KCNIP4: variants seen among roughly 807,000 people sequenced by gnomAD.
KCNIP4 encodes the protein Kv channel-interacting protein 4.
Under a neutral mutation model 34.0 loss-of-function variants are expected in KCNIP4, and 12 were observed. The observed-to-expected ratio is 0.35, with a 90% confidence interval of 0.23 to 0.57. The LOEUF (loss-of-function observed/expected upper bound fraction) is 0.57. Among genes scored for constraint, KCNIP4 ranks in the 20% least tolerant of loss-of-function variants. The probability of loss-of-function intolerance (pLI) is 0.83; values close to 1 mark genes in which losing one functional copy is unlikely to be tolerated. For missense variants in KCNIP4, 238 were observed against 311.7 expected (o/e 0.76, Z 1.78); for synonymous variants, 124 against 102.2 (o/e 1.21, Z -1.29).
chr4:21,200,320 ATGTG>A (rs879665843), intron 1 of KCNIP4, among the ~76,000 whole-genome samples: 7 of 55,102 alleles, frequency 1.3e-4, no homozygotes, highest in African/African-American at 1.0e-3. Context: ...ACATACATAT[ATGTG>A]TGTATATATA....
At chr4:21,708,142 G>T (rs2109072399) in intron 1 of KCNIP4, among the ~76,000 whole-genome samples, 1 of 152,174 alleles carries the variant, frequency 6.6e-6, no homozygotes, top group South Asian at 2.1e-4. Flanking sequence ...AAACAGTCAT[G>T]CAGTCTCCTG....
At chr4:21,537,890 T>A (rs1488785508) in intron 1 of KCNIP4, among the ~76,000 whole-genome samples, 1 of 151,660 alleles carries the variant, frequency 6.6e-6, no homozygotes, top group East Asian at 2.0e-4. Flanking sequence ...CACATGCCTG[T>A]AATCCCAGCT....
chr4:21,867,397 G>A (rs1390101963), intron 1 of KCNIP4, among the ~76,000 whole-genome samples: 1 of 152,136 alleles, frequency 6.6e-6, no homozygotes, highest in Non-Finnish European at 1.5e-5. Flanking sequence ...ATAAAGTCTT[G>A]ATATGAATTA....
At chr4:21,314,128 C>T (rs892287216) in intron 1 of KCNIP4, among the ~76,000 whole-genome samples, 2 of 152,212 alleles carry the variant, frequency 1.3e-5, no homozygotes, top group Admixed American at 1.3e-4. Flanking sequence ...CCACTCTCAT[C>T]TCCTAGACAT....
intron 1 of KCNIP4, among the ~76,000 whole-genome samples, chr4:21,033,920 C>T (rs913096397): frequency 4.6e-5 from 7 of 152,014 alleles, no homozygotes; most frequent in South Asian, 2.1e-4. Context: ...TGAAGAAAAC[C>T]GCATATGGTC....
At chr4:21,544,268 T>TCA (rs1200304824) in intron 1 of KCNIP4, 3 of 147,580 alleles carry the variant, frequency 2.0e-5, no homozygotes, top group African/African-American at 4.9e-5. Flanking sequence ...TCTCTCTCTC[T>TCA]CTCACACACA....
At chr4:21,717,182 A>G (rs1218023829) in intron 1 of KCNIP4, among the ~76,000 whole-genome samples, 1 of 152,130 alleles carries the variant, frequency 6.6e-6, no homozygotes, top group Non-Finnish European at 1.5e-5. Context: ...GCCTCTATCT[A>G]CTAAATATCA....
chr4:21,228,721 A>C (rs1758582658), intron 1 of KCNIP4, among the ~76,000 whole-genome samples: 1 of 152,150 alleles, frequency 6.6e-6, no homozygotes, highest in Non-Finnish European at 1.5e-5. Context: ...CTTTGCTTCG[A>C]TCAGATTGCA....
At chr4:21,807,394 G>T (rs768280813) in intron 1 of KCNIP4, among the ~76,000 whole-genome samples, 58 of 152,146 alleles carry the variant, frequency 3.8e-4, no homozygotes, top group Non-Finnish European at 6.8e-4. Flanking sequence ...CCAGCTACCT[G>T]ATGGCATGCG....
intron 1 of KCNIP4, among the ~76,000 whole-genome samples, chr4:21,791,946 G>A (rs1183551678): frequency 7.5e-6 from 1 of 132,622 alleles, no homozygotes; most frequent in African/African-American, 2.9e-5. Flanking sequence ...AGGTTGCAGT[G>A]AGCCGAGATT....
At chr4:20,734,529 C>T in intron 6 of KCNIP4, 99 bp downstream of exon 6, 1 of 585,656 alleles carries the variant, frequency 1.7e-6, no homozygotes, top group South Asian at 3.6e-5. Context: ...TTGGAATTTC[C>T]TCAAAAAAAC....
intron 1 of KCNIP4, among the ~76,000 whole-genome samples, chr4:21,181,277 G>A (rs1577843496): frequency 6.6e-6 from 1 of 152,006 alleles, no homozygotes; most frequent in African/African-American, 2.4e-5. Context: ...AAGTGTCCTT[G>A]ATTTGATTAA....
At chr4:20,971,077 G>A (rs1734903296) in intron 1 of KCNIP4, among the ~76,000 whole-genome samples, 1 of 152,198 alleles carries the variant, frequency 6.6e-6, no homozygotes, top group Non-Finnish European at 1.5e-5. Context: ...GAACACCTGA[G>A]AGATGTGTTC....
chr4:20,732,869 C>G, intron 6 of KCNIP4, 84 bp from the exon 7 acceptor site: 1 of 826,572 alleles, frequency 1.2e-6, no homozygotes, highest in South Asian at 1.7e-5. Flanking sequence ...TTTTCCTACT[C>G]AATTTTAAAT....
intron 1 of KCNIP4, among the ~76,000 whole-genome samples, chr4:20,911,645 C>T (rs1479975119): frequency 6.6e-6 from 1 of 152,152 alleles, no homozygotes; most frequent in Non-Finnish European, 1.5e-5. Context: ...CCTAGGTTGG[C>T]AGGGATTAAC....
At chr4:21,675,260 T>C (rs1178399433) in intron 1 of KCNIP4, among the ~76,000 whole-genome samples, 1 of 152,040 alleles carries the variant, frequency 6.6e-6, no homozygotes, top group Admixed American at 6.6e-5. Flanking sequence ...ATTGAACTCA[T>C]GGATATAGAG....
intron 1 of KCNIP4, among the ~76,000 whole-genome samples, chr4:21,925,112 T>C (rs1729161759): frequency 6.6e-6 from 1 of 152,138 alleles, no homozygotes; most frequent in African/African-American, 2.4e-5. Context: ...ACTTTAAGTT[T>C]TAGGGTACAT....
chr4:21,068,288 C>T (rs935384060), intron 1 of KCNIP4, among the ~76,000 whole-genome samples: 2 of 152,170 alleles, frequency 1.3e-5, no homozygotes, highest in Admixed American at 1.3e-4. Flanking sequence ...TCCTGCTTCC[C>T]CCATGAATCC....
intron 1 of KCNIP4, among the ~76,000 whole-genome samples, chr4:21,207,285 A>C (rs2108968261): frequency 6.6e-6 from 1 of 152,352 alleles, no homozygotes; most frequent in East Asian, 1.9e-4. Context: ...AAATGGCAGA[A>C]GAGATTCCTC....
Sources: gnomAD v4.1 joint callset for allele counts (sites outside exome capture counted in the v4.1 genomes callset) on GRCh38, gnomAD v4.1.1 for gene constraint, MANE v1.5 for transcripts, NCBI Gene and HGNC (gene_info 2026-07-23, HGNC 2026-07-21) for gene names.